Variants in PPP2R3A observed in about 807,000 individuals in gnomAD.
PPP2R3A encodes the protein protein phosphatase 2 regulatory subunit B''alpha, also known as serine/threonine-protein phosphatase 2A regulatory subunit B'' subunit alpha.
In PPP2R3A, 80 loss-of-function variants were observed where a neutral mutation model predicts 106.9. The ratio of observed to expected loss-of-function variants is 0.75; its 90% CI spans 0.62 to 0.90. PPP2R3A has a LOEUF of 0.90. Ranked by LOEUF, PPP2R3A falls within the 40% of genes least tolerant of loss-of-function variation. The pLI, the probability that PPP2R3A is intolerant of heterozygous loss-of-function variation, is 0.00. For synonymous variants in PPP2R3A, 483 were observed against 468.3 expected (o/e 1.03, Z -0.41); for missense variants, 1,386 against 1,350.4 (o/e 1.03, Z -0.41).
At chr3:136,008,161 T>C (rs1308893139) in intron 2 of PPP2R3A, among the ~76,000 whole-genome samples, 4 of 152,250 alleles carry the variant, frequency 2.6e-5, no homozygotes, top group Non-Finnish European at 5.9e-5. Context: ...ACGTTCCTTG[T>C]GGAGCCTTAA....
At chr3:136,000,768 T>A (rs991383996) in intron 1 of PPP2R3A, among the ~76,000 whole-genome samples, 1 of 152,086 alleles carries the variant, frequency 6.6e-6, no homozygotes, top group African/African-American at 2.4e-5. Flanking sequence ...CTGTGAGGGA[T>A]GAAAATGCCG....
At position 136,049,128 on chromosome 3, in the gene PPP2R3A, A is replaced by T. The variant is rs896351644; in HGVS notation, c.2367-131A>T. 5 of 661,068 alleles carry T rather than the reference A, an allele frequency of 7.6e-6. No individual in the cohort carries two copies. In the African/African-American group the frequency reaches 9.1e-5, roughly 12 times the overall value. 41.0% of individuals were successfully genotyped at this position (661,068 alleles called of 1,614,324 possible). ...GCTCATCATTCTAAAACATCCTTTG[A>T]TTATGTAAATTCCTTACTTGATTGT... On this transcript the variant is annotated intron_variant, in intron 4 of 13. Coordinates refer to ENST00000264977, the MANE Select transcript of PPP2R3A (RefSeq NM_002718.5).
At position 136,055,556 on chromosome 3, in the gene PPP2R3A, A is replaced by G. The variant is rs542787166; in HGVS notation, c.2469+6195A>G. 5.1e-6 allele frequency: 7 copies of G among 1,376,182 alleles called. No individual in the cohort carries two copies. In the African/African-American group the frequency reaches 5.7e-5, roughly 11 times the overall value. 85.2% of individuals were successfully genotyped at this position (1,376,182 alleles called of 1,614,324 possible). On this transcript the variant is annotated intron_variant, in intron 5 of 13. Transcript: ENST00000264977. Reference sequence around the variant, plus strand: ...CTGCATTCACTGACCATGCTGCTCAAATCTTCACAGAGCGGGTCTTTCTCT... The same window carrying G: ...CTGCATTCACTGACCATGCTGCTCAGATCTTCACAGAGCGGGTCTTTCTCT...
chr3:136,003,099 G>A lies in PPP2R3A; in HGVS notation c.1601G>A (p.Gly534Asp), dbSNP rs746556298. The change falls in exon 2 of 14, where the codon GGT becomes GAT. Residue 534 changes from glycine to aspartate, a missense_variant. Transcript: ENST00000264977. ...TCTCTAAGAGAGCCACTTGCGAAGG[G>A]TAAAAACTCTAATTTTTTAAATAGT... ...ETSLREPLAKGKNSNFLNSHS... is the reference protein window; with the variant it reads ...ETSLREPLAKDKNSNFLNSHS... The A allele has an allele frequency of 8.1e-6, 13 of 1,610,840 alleles. No individual in the cohort carries two copies. Among genetic ancestry groups the A allele is most frequent in the Admixed American group, 6.8e-5 (4 of 59,256 alleles).
chr3:135,979,793 C>T (rs1030631827), intron 1 of PPP2R3A, among the ~76,000 whole-genome samples: 1 of 151,168 alleles, frequency 6.6e-6, no homozygotes, highest in Non-Finnish European at 1.5e-5. Flanking sequence ...TGAAGAGAGA[C>T]ACCAAGAGAG....
chr3:136,085,832 A>G (rs1471760352), intron 8 of PPP2R3A, among the ~76,000 whole-genome samples: 2 of 152,054 alleles, frequency 1.3e-5, no homozygotes, highest in East Asian at 3.9e-4. Flanking sequence ...CATGCCTGCA[A>G]TACCAGCACT....
chr3:136,135,840 G>A (rs747347148), intron 13 of PPP2R3A, among the ~76,000 whole-genome samples: 4 of 151,938 alleles, frequency 2.6e-5, no homozygotes, highest in Non-Finnish European at 5.9e-5. Flanking sequence ...GAGGCCAGGA[G>A]TTCGAGACCT....
chr3:136,090,464 C>A, intron 9 of PPP2R3A, 114 bp from the exon 10 acceptor site: 1 of 760,828 alleles, frequency 1.3e-6, no homozygotes. Context: ...AGGCATTTAG[C>A]ATTATAATTT....
At chr3:136,042,369 G>A (rs1935317454) in intron 4 of PPP2R3A, among the ~76,000 whole-genome samples, 1 of 152,112 alleles carries the variant, frequency 6.6e-6, no homozygotes, top group Non-Finnish European at 1.5e-5. Flanking sequence ...AGAGCATTAG[G>A]AAAAATAGCT....
intron 2 of PPP2R3A, among the ~76,000 whole-genome samples, chr3:136,011,405 C>CA (rs1286089120): frequency 6.6e-6 from 1 of 152,124 alleles, no homozygotes; most frequent in Admixed American, 6.5e-5. Flanking sequence ...TAGTAATTGT[C>CA]ACTTTGTATA....
intron 1 of PPP2R3A, among the ~76,000 whole-genome samples, chr3:135,968,533 G>A (rs940123549): frequency 7.2e-5 from 11 of 152,188 alleles, no homozygotes; most frequent in African/African-American, 2.4e-4. Flanking sequence ...AACACGGAGA[G>A]TGATGACACA....
intron 1 of PPP2R3A, among the ~76,000 whole-genome samples, chr3:135,984,158 C>T (rs918363960): frequency 3.9e-5 from 6 of 152,050 alleles, no homozygotes; most frequent in Non-Finnish European, 7.4e-5. Context: ...TCTTTTATTT[C>T]CTAATTTGAG....
intron 6 of PPP2R3A, among the ~76,000 whole-genome samples, chr3:136,074,651 A>G (rs1936541013): frequency 6.6e-6 from 1 of 152,214 alleles, no homozygotes; most frequent in South Asian, 2.1e-4. Flanking sequence ...TGCTGGCAGT[A>G]GAGATATTTC....
intron 12 of PPP2R3A, among the ~76,000 whole-genome samples, chr3:136,103,992 C>T (rs1937449318): frequency 6.6e-6 from 1 of 152,098 alleles, no homozygotes; most frequent in Non-Finnish European, 1.5e-5. Context: ...ACAATGTCAC[C>T]CCTTGTTCTT....
At chr3:136,061,813 G>A (rs549894746) in intron 5 of PPP2R3A, among the ~76,000 whole-genome samples, 15 of 151,484 alleles carry the variant, frequency 9.9e-5, no homozygotes, top group Admixed American at 6.6e-4. Context: ...CCAGCTACTC[G>A]GGAAGCTGAG....
intron 13 of PPP2R3A, among the ~76,000 whole-genome samples, chr3:136,108,565 A>G (rs904359497): frequency 6.6e-6 from 1 of 152,146 alleles, no homozygotes; most frequent in Non-Finnish European, 1.5e-5. Context: ...CTTTTTTGAA[A>G]TAAAAGAAAA....
chr3:136,093,560 A>G (rs1937147387), intron 10 of PPP2R3A, among the ~76,000 whole-genome samples: 1 of 152,020 alleles, frequency 6.6e-6, no homozygotes, highest in Non-Finnish European at 1.5e-5. Context: ...ACAACTCAAT[A>G]ATAGACTGAC....
chr3:136,055,461 A>T, intron 5 of PPP2R3A: 1 of 1,124,736 alleles, frequency 8.9e-7, no homozygotes, highest in Non-Finnish European at 1.4e-6. Flanking sequence ...GTAAATGTGA[A>T]GACACAGCTC....
rs1187149071 is a variant in PPP2R3A, at chr3:136,145,437, AG to A, written c.*273del. ...GCACTCTACACTCTTGAATGTACCA[AG>A]GATCTCTTGGCGACAGTACCAAGCA... On this transcript the variant is annotated 3_prime_UTR_variant, in exon 14 of 14. Transcript: ENST00000264977. 4.2e-6 allele frequency: 1 copy of A among 240,704 alleles called. No homozygotes were observed. Among genetic ancestry groups the A allele is most frequent in the Non-Finnish European group, 8.0e-6 (1 of 124,820 alleles). 14.9% of individuals were successfully genotyped at this position (240,704 alleles called of 1,614,324 possible).
Sources: allele counts gnomAD v4.1 joint callset (sites outside exome capture counted in the v4.1 genomes callset), GRCh38; gene constraint gnomAD v4.1.1; transcripts MANE v1.5; gene names NCBI Gene and HGNC (gene_info 2026-07-23, HGNC 2026-07-21).